NPR1: variants seen among roughly 807,000 people sequenced by gnomAD.
NPR1 encodes atrial natriuretic peptide receptor 1.
Under a neutral mutation model 116.9 loss-of-function variants are expected in NPR1, and 57 were observed. The observed-to-expected ratio is 0.49, with a 90% confidence interval of 0.39 to 0.61. The LOEUF (loss-of-function observed/expected upper bound fraction) is 0.61, where lower values mean the gene tolerates loss of function less well. Ranked by LOEUF, NPR1 falls within the 20% of genes least tolerant of loss-of-function variation. NPR1 has a pLI of 0.00. For missense variants in NPR1, 1,096 were observed against 1,409.8 expected, an observed-to-expected ratio of 0.78 and a Z score of 3.56; for synonymous variants, 555 against 601.6, an observed-to-expected ratio of 0.92 and a Z score of 1.13.
intron 9 of NPR1, 95 bp from the exon 10 acceptor site, chr1:153,686,028 G>A (rs768822882): frequency 1.1e-5 from 15 of 1,428,484 alleles, no homozygotes; most frequent in Non-Finnish European, 1.5e-5. Flanking sequence ...AACAAGTGAG[G>A]GTCCTGAGGG....
intron 7 of NPR1, among the ~76,000 whole-genome samples, chr1:153,684,416 G>A (rs1388914069): frequency 1.7e-5 from 2 of 114,428 alleles, no homozygotes; most frequent in African/African-American, 6.3e-5. Context: ...TTTTTGAGAC[G>A]GAGTCTCGCT....
Position 153,683,522 on chromosome 1 carries a change from C to T in NPR1, c.1399+11C>T, listed in dbSNP as rs1210467150. The T allele has an allele frequency of 1.9e-6, 3 of 1,613,814 alleles. No individual in the cohort carries two copies. The highest frequency in any genetic ancestry group is 2.5e-6 in the Non-Finnish European group (3 of 1,179,878). ...CAGCATGCAACCAAGGTGACTGCCCCTTGCCTTCCAGGCCTCCATCCCAGA... is the reference window on the plus strand; with the variant it reads ...CAGCATGCAACCAAGGTGACTGCCCTTTGCCTTCCAGGCCTCCATCCCAGA... On this transcript the variant is annotated intron_variant, in intron 6 of 21. Transcript: ENST00000368680.
chr1:153,683,482 T>C lies in NPR1; in HGVS notation c.1370T>C (p.Phe457Ser), dbSNP rs1433413637. 6.2e-7 allele frequency: 1 copy of C among 1,614,166 alleles called. No individual in the cohort carries two copies. The highest frequency in any genetic ancestry group is 8.5e-7 in the Non-Finnish European group (1 of 1,180,026). The change falls in exon 6 of 22, where the codon TTT (phenylalanine) becomes TCT (serine). Residue 457 changes from phenylalanine to serine, a missense_variant. Phe to Ser is a radical substitution (Grantham distance 155). Coordinates refer to ENST00000368680, the MANE Select transcript of NPR1 (RefSeq NM_000906.4). The stretch of plus-strand genomic sequence containing the variant: ...CCTCCTGACATCCCCAAATGTGGCT[T>C]TGACAACGAAGACCCAGCATGCAAC... Reference protein sequence around the residue: ...YPPPDIPKCGFDNEDPACNQD... With the variant: ...YPPPDIPKCGSDNEDPACNQD...
At position 153,689,667 on chromosome 1, in the gene NPR1, G is replaced by C. The variant is rs1408727294; in HGVS notation, c.2758-139G>C. On this transcript the variant is annotated intron_variant, in intron 18 of 21. Transcript: ENST00000368680. This position sits in a 1 kb window ranked among gnomAD's most constrained non-coding sequence, Gnocchi z 5.1. Reference sequence around the variant, plus strand: ...AGTGACACAGGGAGACCCGGGAACAGGCAGAGAACCCATGTGGGATGGGGG... The same window carrying C: ...AGTGACACAGGGAGACCCGGGAACACGCAGAGAACCCATGTGGGATGGGGG... The C allele has an allele frequency of 8.2e-7, 1 of 1,217,806 alleles. No homozygotes were observed. Among genetic ancestry groups the C allele is most frequent in the East Asian group, 2.4e-5 (1 of 41,066 alleles). The allele number at this position is 1,217,806 out of a possible 1,614,324, so 75.4% of individuals were successfully genotyped here. A position where few individuals can be genotyped will look rare whatever the true frequency, so the allele number is the denominator to read the frequency against.
Position 153,688,944 on chromosome 1 carries a change from T to G in NPR1, c.2418-9T>G. ...TCTTACCACCCCCACCGCCACCCTC[T>G]GCCCCCAGGGAGAACAGCAGCAACA... On this transcript the variant is annotated splice_polypyrimidine_tract_variant and intron_variant, in intron 15 of 21. Transcript: ENST00000368680. The G allele has an allele frequency of 1.9e-6, 3 of 1,613,934 alleles. No individual in the cohort carries two copies. Among genetic ancestry groups the G allele is most frequent in the Non-Finnish European group, 2.5e-6 (3 of 1,179,922 alleles).
At position 153,681,758 on chromosome 1, in the gene NPR1, G is replaced by A. The variant is rs199612927; in HGVS notation, c.1090G>A (p.Val364Met). 1.3e-4 allele frequency: 209 copies of A among 1,614,052 alleles called. No homozygotes were observed. The highest frequency in any genetic ancestry group is 1.6e-4 in the Non-Finnish European group (194 of 1,180,006). ...HDGLLLYIQAVTETLAHGGTV... is the reference protein window; with the variant it reads ...HDGLLLYIQAMTETLAHGGTV... ...CGGGCTCCTGCTCTATATCCAGGCA[G>A]TGACGGAGACTCTGGCACATGGGGG... Residue 364 changes from valine (V) to methionine (M), a missense_variant, in exon 4 of 22, where the codon GTG becomes ATG. Val to Met is a conservative substitution (Grantham distance 21). Transcript: ENST00000368680.
chr1:153,687,917 C>T (rs1669976724), intron 14 of NPR1, 128 bp downstream of exon 14: 2 of 1,146,584 alleles, frequency 1.7e-6, no homozygotes, highest in Non-Finnish European at 2.5e-6. Context: ...CCCTTTGACC[C>T]ATTGCTGCCA....
intron 3 of NPR1, 24 bp downstream of exon 3, chr1:153,681,317 C>A (rs750702837): frequency 6.8e-6 from 9 of 1,325,304 alleles, no homozygotes; most frequent in Non-Finnish European, 9.8e-6. Flanking sequence ...CCGGGACCCT[C>A]CAGCGTGGAC....
rs776239815 is a variant in NPR1 at position 153,679,703 on chromosome 1, C to A, written c.595C>A (p.Leu199Ile). The A allele has an allele frequency of 6.0e-5, 96 of 1,609,256 alleles. No homozygotes were observed. The highest frequency in any genetic ancestry group is 7.8e-5 in the Non-Finnish European group (92 of 1,179,282). The change falls in exon 1 of 22, where the codon CTC becomes ATC. Residue 199 changes from leucine (L) to isoleucine (I), a missense_variant. Transcript: ENST00000368680. This position sits in a 1 kb window ranked among gnomAD's most constrained non-coding sequence, Gnocchi z 4.2. The part of the protein sequence containing the change: ...RPGDEEHCFF[L>I]VEGLFMRVRD... ...GGGTGACGAAGAGCACTGCTTCTTCCTCGTGGAGGGGCTGTTCATGCGGGT... is the reference window on the plus strand; with the variant it reads ...GGGTGACGAAGAGCACTGCTTCTTCATCGTGGAGGGGCTGTTCATGCGGGT...
intron 19 of NPR1, 50 bp from the exon 20 acceptor site, chr1:153,690,230 CCCCT>C: frequency 3.5e-6 from 5 of 1,411,174 alleles, no homozygotes; most frequent in Non-Finnish European, 4.9e-6. Flanking sequence ...TCCCTTAACA[CCCCT>C]CCCTCCCTCA....
intron 21 of NPR1, 24 bp from the exon 22 acceptor site, chr1:153,693,328 G>A: frequency 1.9e-6 from 3 of 1,612,046 alleles, no homozygotes; most frequent in South Asian, 1.1e-5. Context: ...CCACTCCCCA[G>A]CCCATCCTCT....
intron 14 of NPR1, 100 bp from the exon 15 acceptor site, chr1:153,687,953 T>C: frequency 1.8e-6 from 2 of 1,108,468 alleles, no homozygotes; most frequent in Non-Finnish European, 1.3e-6. Context: ...CCCCCATGCC[T>C]TGGTCTTGGA....
intron 7 of NPR1, among the ~76,000 whole-genome samples, chr1:153,684,386 C>CTTTTT (rs58272090): frequency 0.024 from 2,180 of 88,996 alleles, 7 homozygotes; most frequent in East Asian, 0.041. Context: ...TTCTTTCTTT[C>CTTTTT]TTTTTTTTTT....
Position 153,689,235 on chromosome 1 carries a change from C to G in NPR1, c.2612C>G (p.Ala871Gly), listed in dbSNP as rs1403763373. 2.5e-6 allele frequency: 4 copies of G among 1,614,184 alleles called. No individual in the cohort carries two copies. In the East Asian group the frequency reaches 8.9e-5, roughly 36 times the overall value. The part of the protein sequence containing the change: ...LKRGETVQAE[A>G]FDSVTIYFSD... ...CGTGGGGAGACGGTGCAGGCCGAAG[C>G]CTTTGACAGTGTTACCATCTACTTC... is the stretch of plus-strand genomic sequence containing the variant. The change falls in exon 17 of 22, where the codon GCC (alanine) becomes GGC (glycine). Residue 871 changes from alanine to glycine, a missense_variant. Physicochemically the swap from Ala to Gly is moderately conservative, Grantham distance 60. Coordinates refer to ENST00000368680, the MANE Select transcript of NPR1 (RefSeq NM_000906.4). The surrounding 1 kb of genome is among the most constrained non-coding windows in gnomAD (Gnocchi z 5.1).
rs150250335 is a variant in NPR1 at position 153,687,647 on chromosome 1, G to C, written c.2106G>C (p.Thr702=). The change falls in exon 14 of 22, where the codon ACG becomes ACC. Residue 702 remains threonine, a synonymous_variant. Transcript: ENST00000368680. The part of the protein sequence containing the change: ...GHTVYAKKLW[T]APELLRMASP... ...TCTGACCCACAGAAAAGCTGTGGAC[G>C]GCCCCTGAGCTCCTGCGAATGGCTT... The C allele has an allele frequency of 3.1e-5, 50 of 1,589,042 alleles. No individual in the cohort carries two copies. The highest frequency in any genetic ancestry group is 4.0e-5 in the Non-Finnish European group (47 of 1,163,302).
chr1:153,683,326 A>G (rs754346886), intron 5 of NPR1, 50 bp from the exon 6 acceptor site: 8 of 1,589,874 alleles, frequency 5.0e-6, no homozygotes, highest in African/African-American at 1.3e-5. Flanking sequence ...CACTCACAGC[A>G]TGCCTTCCCC....
chr1:153,687,802 C>A lies in NPR1; in HGVS notation c.2248+13C>A. 6.4e-7 allele frequency: 1 copy of A among 1,568,300 alleles called. No homozygotes were observed. ...CTGAGCCCCAAAGGTGAGAGGAGCA[C>A]ACCTTCCTTAAACCCAGCCACAGTC... is the stretch of plus-strand genomic sequence containing the variant. On this transcript the variant is annotated intron_variant, in intron 14 of 21. Transcript: ENST00000368680.
rs1669885579 is a variant in NPR1 at position 153,684,968 on chromosome 1, A to T, written c.1489A>T (p.Met497Leu). 1 of 1,613,954 alleles carries T rather than the reference A, an allele frequency of 6.2e-7. No individual in the cohort carries two copies. Among genetic ancestry groups the T allele is most frequent in the Admixed American group, 1.7e-5 (1 of 59,998 alleles). ...LIVSFFIYRK[M>L]QLEKELASEL... ...GATGCAGCCTTCGTATCCCAGGAAG[A>T]TGCAGCTGGAGAAGGAACTGGCCTC... Residue 497 changes from methionine to leucine, a missense_variant, in exon 8 of 22, where the codon ATG becomes TTG. Transcript: ENST00000368680.
At position 153,688,977 on chromosome 1, in the gene NPR1, C is replaced by T; in HGVS notation, c.2442C>T (p.Asp814=). 6.2e-7 allele frequency: 1 copy of T among 1,614,206 alleles called. No individual in the cohort carries two copies. Among genetic ancestry groups the T allele is most frequent in the Non-Finnish European group, 8.5e-7 (1 of 1,180,040 alleles). Residue 814 remains aspartate (D), a synonymous_variant, in exon 16 of 22, where the codon GAC becomes GAT. Transcript: ENST00000368680. The part of the protein sequence containing the change: ...FNRENSSNIL[D]NLLSRMEQYA... ...GGGAGAACAGCAGCAACATCCTGGACAACCTGCTGTCCCGCATGGAGCAGT... is the reference window on the plus strand; with the variant it reads ...GGGAGAACAGCAGCAACATCCTGGATAACCTGCTGTCCCGCATGGAGCAGT...
Sources: allele counts gnomAD v4.1 joint callset (sites outside exome capture counted in the v4.1 genomes callset), GRCh38; gene constraint gnomAD v4.1.1; non-coding constraint Gnocchi (gnomAD v3.1); transcripts MANE v1.5; gene names NCBI Gene and HGNC (gene_info 2026-07-23, HGNC 2026-07-21).